The following ARHGEF11 variants were observed in gnomAD, a reference collection of about 807,000 sequenced individuals.
The protein encoded by ARHGEF11 is Rho guanine exchange factor (GEF) 11.
A neutral mutation model predicts 193.7 loss-of-function variants in ARHGEF11; 55 were observed. The ratio of observed to expected loss-of-function variants is 0.28; its 90% CI spans 0.23 to 0.36. The LOEUF (loss-of-function observed/expected upper bound fraction) is 0.36, where lower values mean the gene tolerates loss of function less well. Ranked by LOEUF, ARHGEF11 falls within the 10% of genes least tolerant of loss-of-function variation. The probability of loss-of-function intolerance (pLI) is 1.00; values close to 1 mark genes in which losing one functional copy is unlikely to be tolerated. For missense variants in ARHGEF11, 1,723 were observed against 2,005.6 expected (o/e 0.86, Z 2.69); for synonymous variants, 693 against 768.0 (o/e 0.90, Z 1.62).
At chr1:157,037,928 G>T (rs1395633254) in intron 1 of ARHGEF11, among the ~76,000 whole-genome samples, 2 of 149,382 alleles carry the variant, frequency 1.3e-5, no homozygotes, top group African/African-American at 4.9e-5. Context: ...AACTACTTGG[G>T]AGGCTGAGGC....
intron 1 of ARHGEF11, among the ~76,000 whole-genome samples, chr1:156,988,512 T>C (rs1665255904): frequency 6.6e-6 from 1 of 152,218 alleles, no homozygotes; most frequent in Admixed American, 6.5e-5. Context: ...GCCTTGTTCT[T>C]GACCCCACCA....
At chr1:156,952,366 A>G (rs1318299363) in intron 21 of ARHGEF11, among the ~76,000 whole-genome samples, 1 of 152,184 alleles carries the variant, frequency 6.6e-6, no homozygotes, top group Non-Finnish European at 1.5e-5. Flanking sequence ...GGCACAGGTA[A>G]TGCCAACTAC....
intron 1 of ARHGEF11, among the ~76,000 whole-genome samples, chr1:156,991,710 ATTTTTTT>A (rs57140356): frequency 3.5e-4 from 29 of 83,960 alleles, no homozygotes; most frequent in Non-Finnish European, 6.1e-4. Context: ...TTTCAAGCTT[ATTTTTTT>A]TTTTTTTTTT....
intron 1 of ARHGEF11, among the ~76,000 whole-genome samples, chr1:156,995,763 C>CA (rs1666397616): frequency 6.7e-6 from 1 of 149,756 alleles, no homozygotes; most frequent in Non-Finnish European, 1.5e-5. Flanking sequence ...AGGCTGGTCT[C>CA]AAACTCCTGG....
At position 156,940,291 on chromosome 1, in the gene ARHGEF11, C is replaced by T; in HGVS notation, c.3649G>A (p.Gly1217Ser). The change falls in exon 36 of 41, where the codon GGC (glycine) becomes AGC (serine). Residue 1217 changes from glycine to serine, a missense_variant. By Grantham distance (56) the Gly-to-Ser change is moderately conservative. Transcript: ENST00000368194. ...TGGATGGGGTTCCTTGTCCTGATGC[C>T]CCTGTTCTCTCCATCCAGGGATGTG... ...PSTSLDGENR[G>S]IRTRNPIHLA... is the part of the protein sequence containing the mutation. 6.2e-7 allele frequency: 1 copy of T among 1,613,596 alleles called. No homozygotes were observed. Among genetic ancestry groups the T allele is most frequent in the Non-Finnish European group, 8.5e-7 (1 of 1,179,738 alleles).
chr1:156,971,487 G>A (rs942686096), intron 8 of ARHGEF11, among the ~76,000 whole-genome samples: 1 of 152,166 alleles, frequency 6.6e-6, no homozygotes, highest in Non-Finnish European at 1.5e-5. Context: ...CAAGAAATAG[G>A]CTTTTTCTTT....
In ARHGEF11 at chr1:156,939,844, G is replaced by A; in HGVS notation, c.3800C>T (p.Ala1267Val). 6.2e-7 allele frequency: 1 copy of A among 1,612,366 alleles called. No homozygotes were observed. The highest frequency in any genetic ancestry group is 1.7e-5 in the Admixed American group (1 of 60,000). ...LPGHTMETQA[A>V]QEPEDDLTPT... is the part of the protein sequence containing the mutation. ...TGTCAGGTCGTCCTCGGGCTCCTGG[G>A]CAGCCTGAGTTTCCATGGTGTGACC... Residue 1267 changes from alanine (A) to valine (V), a missense_variant, in exon 37 of 41, where the codon GCC becomes GTC. This residue lies in a region of ARHGEF11 where 203 missense variants were observed against 237.3 expected (regional missense o/e 0.86). Coordinates refer to ENST00000368194, the MANE Select transcript of ARHGEF11 (RefSeq NM_198236.3).
At chr1:156,942,658 C>T (rs1280812941) in intron 33 of ARHGEF11, 32 bp downstream of exon 33, 2 of 1,601,002 alleles carry the variant, frequency 1.2e-6, no homozygotes, top group East Asian at 2.2e-5. Context: ...AAAGGGACCA[C>T]AGTTACGGGT....
intron 1 of ARHGEF11, among the ~76,000 whole-genome samples, chr1:157,008,589 TG>T (rs1420633413): frequency 1.3e-5 from 2 of 152,208 alleles, no homozygotes; most frequent in Non-Finnish European, 2.9e-5. Flanking sequence ...ACCCAGTCTA[TG>T]GTGACCCAAG....
intron 1 of ARHGEF11, among the ~76,000 whole-genome samples, chr1:157,041,688 G>A (rs1015496456): frequency 2.0e-5 from 3 of 152,146 alleles, no homozygotes; most frequent in Non-Finnish European, 4.4e-5. Context: ...ACATTCATTT[G>A]TCAAACATTT....
chr1:156,941,509 A>G, intron 34 of ARHGEF11, 76 bp from the exon 35 acceptor site: 1 of 1,505,060 alleles, frequency 6.6e-7, no homozygotes, highest in Non-Finnish European at 9.2e-7. Context: ...TGGGCAATGG[A>G]GTAGGATCCG....
rs1205947771 is a variant in ARHGEF11, at chr1:157,045,007, T to C, written c.-677A>G. On this transcript the variant is annotated 5_prime_UTR_variant, in exon 1 of 41. In the 5' UTR this introduces an upstream ATG that the reference lacks. Transcript: ENST00000368194. ...CAGTGCAACCCTGGGAACCAAAATT[T>C]ATGGACTTCCTTAAAAAAAAAAAAG... The C allele has an allele frequency of 2.0e-5, 3 of 151,874 alleles. No homozygotes were observed. Among genetic ancestry groups the C allele is most frequent in the Non-Finnish European group, 4.4e-5 (3 of 68,206 alleles). 9.4% of individuals were successfully genotyped at this position (151,874 alleles called of 1,614,324 possible). A position where few individuals can be genotyped will look rare whatever the true frequency, so the allele number is the denominator to read the frequency against.
At chr1:157,031,341 A>G (rs1001725682) in intron 1 of ARHGEF11, among the ~76,000 whole-genome samples, 15 of 152,130 alleles carry the variant, frequency 9.9e-5, no homozygotes, top group African/African-American at 3.1e-4. Flanking sequence ...TAGTAAAAGG[A>G]TGTGTCTCCA....
intron 1 of ARHGEF11, among the ~76,000 whole-genome samples, chr1:157,011,901 C>G (rs2102797022): frequency 6.6e-6 from 1 of 152,274 alleles, no homozygotes; most frequent in East Asian, 1.9e-4. Flanking sequence ...ATAGGGCAGC[C>G]ACTTTGGAAA....
chr1:156,984,281 C>T lies in ARHGEF11; in HGVS notation c.223+58G>A. 7.3e-6 allele frequency: 10 copies of T among 1,367,562 alleles called. No individual in the cohort carries two copies. In the South Asian group the frequency reaches 7.6e-5, roughly 10 times the overall value. The allele number at this position is 1,367,562 out of a possible 1,614,324, so 84.7% of individuals were successfully genotyped here. On this transcript the variant is annotated intron_variant, in intron 3 of 40. Transcript: ENST00000368194. Reference sequence around the variant, plus strand: ...AAGCACAGGTAGAATGGCACTGTCACATACATGGTGGCTTTGCAAGAACTG... The same window carrying T: ...AAGCACAGGTAGAATGGCACTGTCATATACATGGTGGCTTTGCAAGAACTG...
intron 11 of ARHGEF11, among the ~76,000 whole-genome samples, chr1:156,964,682 A>G (rs1049812821): frequency 6.6e-6 from 1 of 152,192 alleles, no homozygotes; most frequent in Admixed American, 6.5e-5. Context: ...TATAATTGAA[A>G]AAAGTGAGGC....
intron 1 of ARHGEF11, among the ~76,000 whole-genome samples, chr1:156,996,859 A>ATT (rs60592654): frequency 0.048 from 4,478 of 93,828 alleles, 298 homozygotes; most frequent in African/African-American, 0.11. Context: ...CTCTCTCTCT[A>ATT]TTTTTTTTTT....
At chr1:157,031,732 C>A (rs991788061) in intron 1 of ARHGEF11, among the ~76,000 whole-genome samples, 3 of 152,178 alleles carry the variant, frequency 2.0e-5, no homozygotes, top group African/African-American at 7.2e-5. Context: ...GAACAGAACC[C>A]CAGAACTGCA....
rs1175763245 is a variant in ARHGEF11, at chr1:156,935,581, A to G, written c.*419T>C. On this transcript the variant is annotated 3_prime_UTR_variant, in exon 41 of 41. Transcript: ENST00000368194. Reference sequence around the variant, plus strand: ...GACAAAGAGGGGAGGGGAGGCACCCACCTCTGCCTGGGGTCTTATGGAGAA... The same window carrying G: ...GACAAAGAGGGGAGGGGAGGCACCCGCCTCTGCCTGGGGTCTTATGGAGAA... 4 of 168,442 alleles carry G rather than the reference A, an allele frequency of 2.4e-5. No individual in the cohort carries two copies. The highest frequency in any genetic ancestry group is 9.5e-5 in the African/African-American group (4 of 42,014). The allele number at this position is 168,442 out of a possible 1,614,324, so 10.4% of individuals were successfully genotyped here.
Sources: allele counts gnomAD v4.1 joint callset (sites outside exome capture counted in the v4.1 genomes callset), GRCh38; gene constraint gnomAD v4.1.1; regional missense constraint gnomAD v4.1.1; transcripts MANE v1.5; gene names NCBI Gene and HGNC (gene_info 2026-07-23, HGNC 2026-07-21).